The following ZNF34 variants were observed in gnomAD, a reference collection of about 807,000 sequenced individuals.
The protein encoded by ZNF34 is zinc finger protein 34.
ZNF34 carries 8 observed loss-of-function variants against 14.4 expected under a neutral mutation model. The observed-to-expected ratio is 0.55, with a 90% CI of 0.33 to 1.00. ZNF34 has a LOEUF of 1.00. ZNF34 is among the 50% of genes least tolerant of loss of function. The pLI is 0.03. For missense variants in ZNF34, 538 were observed against 674.2 expected (o/e 0.80, Z 2.24); for synonymous variants, 235 against 247.9 (o/e 0.95, Z 0.49).
In ZNF34 at chr8:144,774,099, A is replaced by C. The variant is rs749860462; in HGVS notation, c.787T>G (p.Cys263Gly). 8.1e-6 allele frequency: 13 copies of C among 1,613,908 alleles called. No individual in the cohort carries two copies. Among genetic ancestry groups the C allele is most frequent in the Non-Finnish European group, 1.1e-5 (13 of 1,179,970 alleles). ...CAGCTCTGGCTGAAGGCTTTCCCACACTCATCACATTTGTAGGGCTTCTCT... is the reference window on the plus strand; with the variant it reads ...CAGCTCTGGCTGAAGGCTTTCCCACCCTCATCACATTTGTAGGGCTTCTCT... ...TEEKPYKCDE[C>G]GKAFSQSCEF... is the part of the protein sequence containing the mutation. The change falls in exon 6 of 6, where the codon TGT (cysteine) becomes GGT (glycine). Residue 263 changes from cysteine to glycine, a missense_variant. Coordinates refer to ENST00000429371, the MANE Select transcript of ZNF34 (RefSeq NM_001286769.2).
intron 1 of ZNF34, among the ~76,000 whole-genome samples, chr8:144,782,293 G>A (rs1295601699): frequency 2.0e-5 from 3 of 152,034 alleles, no homozygotes; most frequent in African/African-American, 7.3e-5. Flanking sequence ...CTGCACTCCA[G>A]CCTGGCCACA....
rs1482128829 is a variant in ZNF34 at position 144,779,412 on chromosome 8, G to A, written c.-55+816C>T. 6.6e-6 allele frequency among the ~76,000 whole-genome samples: 1 copy of A among 152,096 alleles called. No homozygotes were observed. Among genetic ancestry groups the A allele is most frequent in the Non-Finnish European group, 1.5e-5 (1 of 68,018 alleles). On this transcript the variant is annotated intron_variant, in intron 2 of 5. Transcript: ENST00000429371. The surrounding 1 kb of genome is among the most constrained non-coding windows in gnomAD (Gnocchi z 4.1). Reference sequence around the variant, plus strand: ...TCATGTCCGCACATCCTCACCACCTGCTTCTTTGTTCGATCATCAATAAAT... The same window carrying A: ...TCATGTCCGCACATCCTCACCACCTACTTCTTTGTTCGATCATCAATAAAT...
At chr8:144,785,607 A>G (rs1019996003) in intron 1 of ZNF34, 24 of 152,216 alleles carry the variant, frequency 1.6e-4, no homozygotes, top group Non-Finnish European at 3.1e-4. Context: ...AATTAAGAAA[A>G]AATGTAAAGT....
At chr8:144,778,204 G>C (rs745395615) in intron 3 of ZNF34, 40 bp from the exon 4 acceptor site, 3 of 1,590,338 alleles carry the variant, frequency 1.9e-6, no homozygotes, top group East Asian at 4.5e-5. Flanking sequence ...GTGTGGTCCA[G>C]AGTGGGCTGG....
At chr8:144,778,225 G>C (rs1393947366) in intron 3 of ZNF34, 61 bp from the exon 4 acceptor site, 2 of 1,564,984 alleles carry the variant, frequency 1.3e-6, no homozygotes, top group East Asian at 2.2e-5. Context: ...TAGGGGCGGG[G>C]AGGCAGCAGA....
At position 144,779,916 on chromosome 8, in the gene ZNF34, C is replaced by T. The variant is rs901379598; in HGVS notation, c.-55+312G>A. Among the ~76,000 whole-genome samples, 12 of 151,270 alleles carry T rather than the reference C, an allele frequency of 7.9e-5. No individual in the cohort carries two copies. The highest frequency in any genetic ancestry group is 7.4e-5 in the Non-Finnish European group (5 of 67,932). On this transcript the variant is annotated intron_variant, in intron 2 of 5. Coordinates refer to ENST00000429371, the MANE Select transcript of ZNF34 (RefSeq NM_001286769.2). The surrounding 1 kb of genome is among the most constrained non-coding windows in gnomAD (Gnocchi z 4.1). The stretch of plus-strand genomic sequence containing the variant: ...TAAAAATGATAGAAGGGGCCAAGCT[C>T]GGTGGCTCACACCTGTAATCCTAGC...
At chr8:144,783,645 G>C (rs564965286) in intron 1 of ZNF34, among the ~76,000 whole-genome samples, 100 of 152,260 alleles carry the variant, frequency 6.6e-4, no homozygotes, top group Non-Finnish European at 1.2e-3. Flanking sequence ...CTTAAAAAAA[G>C]ATATGTATGT....
rs969740600 is a variant in ZNF34 at position 144,780,260 on chromosome 8, C to A, written c.-87G>T. 1.3e-6 allele frequency: 2 copies of A among 1,550,126 alleles called. No homozygotes were observed. The highest frequency in any genetic ancestry group is 2.7e-5 in the African/African-American group (2 of 72,998). On this transcript the variant is annotated 5_prime_UTR_variant, in exon 2 of 6. An upstream start codon of the reference 5' UTR is lost. Coordinates refer to ENST00000429371, the MANE Select transcript of ZNF34 (RefSeq NM_001286769.2). ...AAGCATGAGACTCTCGGATTAGATA[C>A]ATGTGATGCAACTATTTGGCCTAAA... is the stretch of plus-strand genomic sequence containing the variant.
chr8:144,785,065 C>A (rs1586743024), intron 1 of ZNF34, among the ~76,000 whole-genome samples: 1 of 115,530 alleles, frequency 8.7e-6, no homozygotes, highest in South Asian at 2.8e-4. Context: ...TGCAGGGAGC[C>A]AAGATGGTGT....
At chr8:144,784,858 C>T (rs1282156267) in intron 1 of ZNF34, among the ~76,000 whole-genome samples, 1 of 151,886 alleles carries the variant, frequency 6.6e-6, no homozygotes, top group Non-Finnish European at 1.5e-5. Flanking sequence ...CATGGTAGCT[C>T]ACACCTGTAA....
At chr8:144,781,689 A>G (rs1255961642) in intron 1 of ZNF34, among the ~76,000 whole-genome samples, 1 of 152,242 alleles carries the variant, frequency 6.6e-6, no homozygotes, top group Non-Finnish European at 1.5e-5. Flanking sequence ...GAAAGTTTCA[A>G]CAAATCCCAA....
chr8:144,774,566 T>G lies in ZNF34; in HGVS notation c.320A>C (p.Gln107Pro). ...TRTEYKELTS[Q>P]ETFGEEDPQG... Reference sequence around the variant, plus strand: ...GGGATCTTCCTCACCAAATGTCTCCTGTGAAGTCAACTCCTTGTACTCAGT... The same window carrying G: ...GGGATCTTCCTCACCAAATGTCTCCGGTGAAGTCAACTCCTTGTACTCAGT... Residue 107 changes from glutamine to proline, a missense_variant, in exon 6 of 6, where the codon CAG becomes CCG. Transcript: ENST00000429371. 3 of 1,613,946 alleles carry G rather than the reference T, an allele frequency of 1.9e-6. No homozygotes were observed. Among genetic ancestry groups the G allele is most frequent in the African/African-American group, 1.3e-5 (1 of 75,062 alleles).
chr8:144,775,603 G>A (rs933344868), intron 5 of ZNF34, among the ~76,000 whole-genome samples: 21 of 152,146 alleles, frequency 1.4e-4, no homozygotes, highest in Admixed American at 1.3e-4. Context: ...AAGATGCCCT[G>A]TGTGAGTCTA....
intron 5 of ZNF34, among the ~76,000 whole-genome samples, chr8:144,775,268 C>T (rs1197510253): frequency 1.3e-5 from 2 of 152,334 alleles, no homozygotes; most frequent in African/African-American, 2.4e-5. Flanking sequence ...ACGGTGCTCA[C>T]ACACTACTAC....
intron 1 of ZNF34, among the ~76,000 whole-genome samples, chr8:144,783,642 A>G (rs1269786369): frequency 6.6e-6 from 1 of 152,218 alleles, no homozygotes; most frequent in African/African-American, 2.4e-5. Flanking sequence ...AGTCTTAAAA[A>G]AAGATATGTA....
Position 144,773,952 on chromosome 8 carries a change from T to TC in ZNF34, c.933dup (p.Lys312GlufsTer13), listed in dbSNP as rs1369127231. ...CCACACTCCCCACACTTGTAGGGTT[T>TC]CTCCCCAGTGTGAATCCTCTGGTGC... On this transcript the variant is annotated frameshift_variant, in exon 6 of 6. Transcript: ENST00000429371. LOFTEE classifies it low-confidence loss of function (END_TRUNC). This position sits in a 1 kb window ranked among gnomAD's most constrained non-coding sequence, Gnocchi z 5.4. 1 of 1,614,160 alleles carries TC rather than the reference T, an allele frequency of 6.2e-7. No homozygotes were observed. The highest frequency in any genetic ancestry group is 2.2e-5 in the East Asian group (1 of 44,884).
In ZNF34 at chr8:144,773,773, C is replaced by T. The variant is rs1359697790; in HGVS notation, c.1113G>A (p.Glu371=). The T allele has an allele frequency of 1.2e-6, 2 of 1,614,100 alleles. No homozygotes were observed. The highest frequency in any genetic ancestry group is 1.3e-5 in the African/African-American group (1 of 75,036). Residue 371 remains glutamate, a synonymous_variant, in exon 6 of 6, where the codon GAG becomes GAA. Coordinates refer to ENST00000429371, the MANE Select transcript of ZNF34 (RefSeq NM_001286769.2). This position sits in a 1 kb window ranked among gnomAD's most constrained non-coding sequence, Gnocchi z 5.4. ...RRTHTGEKPF[E]CKECGKGFTQ... ...TAAAGCCTTTGCCACATTCCTTGCACTCAAATGGCTTCTCTCCGGTGTGAG... is the reference window on the plus strand; with the variant it reads ...TAAAGCCTTTGCCACATTCCTTGCATTCAAATGGCTTCTCTCCGGTGTGAG...
rs1280957617 is a variant in ZNF34 at position 144,772,342 on chromosome 8, G to T, written c.*924C>A. Among the ~76,000 whole-genome samples the T allele has an allele frequency of 1.3e-5, 2 of 152,110 alleles. No homozygotes were observed. Among genetic ancestry groups the T allele is most frequent in the African/African-American group, 4.8e-5 (2 of 41,410 alleles). ...GAAATGAAGAGTTATTATTTAATAG[G>T]TACAGGGTTTCTGTTTGGAGTAATA... On this transcript the variant is annotated 3_prime_UTR_variant, in exon 6 of 6. Coordinates refer to ENST00000429371, the MANE Select transcript of ZNF34 (RefSeq NM_001286769.2).
At chr8:144,786,566 G>A (rs1047177535) in intron 1 of ZNF34, among the ~76,000 whole-genome samples, 1 of 151,658 alleles carries the variant, frequency 6.6e-6, no homozygotes, top group African/African-American at 2.4e-5. Flanking sequence ...CTCGGGAGGC[G>A]GAAGGTGCAT....
Sources: gnomAD v4.1 joint callset for allele counts (sites outside exome capture counted in the v4.1 genomes callset) on GRCh38, gnomAD v4.1.1 for gene constraint, Gnocchi (gnomAD v3.1) non-coding constraint, MANE v1.5 for transcripts, NCBI Gene and HGNC (gene_info 2026-07-23, HGNC 2026-07-21) for gene names.